The following ALK variants were observed in gnomAD, a reference collection of about 807,000 sequenced individuals.
ALK encodes the protein ALK receptor tyrosine kinase, also known as ALK tyrosine kinase receptor.
ALK carries 74 observed loss-of-function variants against 163.1 expected under a neutral mutation model. That is an observed-to-expected ratio of 0.45 (90% CI 0.38 to 0.55). The LOEUF is 0.55. Among genes scored for constraint, ALK ranks in the 20% least tolerant of loss-of-function variants. The pLI is 0.00. For missense variants in ALK, 2,063 were observed against 2,105.3 expected (o/e 0.98, Z 0.39); for synonymous variants, 960 against 843.2 (o/e 1.14, Z -2.40).
At chr2:29,775,382 A>G (rs994552237) in intron 1 of ALK, among the ~76,000 whole-genome samples, 15 of 152,290 alleles carry the variant, frequency 9.8e-5, no homozygotes, top group Admixed American at 8.5e-4. Flanking sequence ...TAACCAAAGG[A>G]ATTGGAGATT....
chr2:29,675,098 G>A (rs1677833825), intron 3 of ALK, among the ~76,000 whole-genome samples: 2 of 151,700 alleles, frequency 1.3e-5, no homozygotes, highest in Admixed American at 1.3e-4. Context: ...GTGCTTCCAG[G>A]ACATTTTCTA....
intron 26 of ALK, among the ~76,000 whole-genome samples, chr2:29,201,165 A>AAAATT (rs1669169497): frequency 6.6e-6 from 1 of 152,106 alleles, no homozygotes. Context: ...ATGGGAGCCA[A>AAAATT]AAATTAATAT....
In ALK at chr2:29,589,227, A is replaced by G. The variant is rs951602435; in HGVS notation, c.953-57111T>C. The stretch of plus-strand genomic sequence containing the variant: ...AGAGAAGATTTGATGCTGTTGCTAT[A>G]ATAATGCTATTCTCCCTCACTTGCA... On this transcript the variant is annotated intron_variant, in intron 3 of 28. Coordinates refer to ENST00000389048, the MANE Select transcript of ALK (RefSeq NM_004304.5). Among the ~76,000 whole-genome samples the G allele has an allele frequency of 2.0e-5, 3 of 152,180 alleles. 1 individual carries two copies. Among genetic ancestry groups the G allele is most frequent in the Admixed American group, 1.3e-4 (2 of 15,278 alleles).
At chr2:29,442,520 C>T (rs781544886) in intron 4 of ALK, among the ~76,000 whole-genome samples, 8 of 152,230 alleles carry the variant, frequency 5.3e-5, no homozygotes, top group Middle Eastern at 3.4e-3. Context: ...GCCACAATGA[C>T]CTGGCGATCT....
At chr2:29,337,010 G>A (rs1210133581) in intron 5 of ALK, among the ~76,000 whole-genome samples, 1 of 152,142 alleles carries the variant, frequency 6.6e-6, no homozygotes, top group Non-Finnish European at 1.5e-5. Context: ...CTAGGGGACT[G>A]GGCCATGATC....
intron 4 of ALK, among the ~76,000 whole-genome samples, chr2:29,517,200 T>C (rs866529369): frequency 1.3e-5 from 2 of 151,642 alleles, no homozygotes; most frequent in Non-Finnish European, 2.9e-5. Context: ...TACAGAGAGG[T>C]TTAGGGGCAG....
chr2:29,330,590 T>C (rs1411054142), intron 5 of ALK, among the ~76,000 whole-genome samples: 1 of 152,172 alleles, frequency 6.6e-6, no homozygotes, highest in African/African-American at 2.4e-5. Flanking sequence ...GACCCCCAAA[T>C]AGACACATCC....
rs566513585 is a variant in ALK at position 29,630,016 on chromosome 2, A to G, written c.952+64834T>C. On this transcript the variant is annotated intron_variant, in intron 3 of 28. Coordinates refer to ENST00000389048, the MANE Select transcript of ALK (RefSeq NM_004304.5). ...TGCCCATAAAAGCAGTTTAATAATA[A>G]ATAGGAAGATATTATGCTTTAAAGG... Among the ~76,000 whole-genome samples, 51 of 152,310 alleles carry G rather than the reference A, an allele frequency of 3.3e-4. 2 individuals are homozygous for G. The South Asian group carries it at 0.01, about 31-fold the overall frequency.
chr2:29,276,531 G>A (rs996379377), intron 9 of ALK, among the ~76,000 whole-genome samples: 1 of 152,148 alleles, frequency 6.6e-6, no homozygotes, highest in East Asian at 1.9e-4. Context: ...ATGACATGCA[G>A]AACAGGGCGT....
At chr2:29,533,632 A>G (rs1673176257) in intron 3 of ALK, among the ~76,000 whole-genome samples, 1 of 152,178 alleles carries the variant, frequency 6.6e-6, no homozygotes, top group African/African-American at 2.4e-5. Context: ...GACCAAATCC[A>G]TTTATTCGGT....
chr2:29,262,999 A>T (rs576942625), intron 11 of ALK, among the ~76,000 whole-genome samples: 4 of 152,224 alleles, frequency 2.6e-5, no homozygotes, highest in Non-Finnish European at 5.9e-5. Flanking sequence ...TAATTTGGTT[A>T]TTTCTAACTT....
intron 3 of ALK, among the ~76,000 whole-genome samples, chr2:29,650,141 C>A (rs1293822618): frequency 6.6e-6 from 1 of 152,072 alleles, no homozygotes. Context: ...CTGAAGCAAG[C>A]CTTCAAATGG....
At chr2:29,289,215 C>G (rs561095355) in intron 9 of ALK, among the ~76,000 whole-genome samples, 2 of 152,236 alleles carry the variant, frequency 1.3e-5, no homozygotes, top group African/African-American at 4.8e-5. Context: ...CCCCAAGAGG[C>G]ACAGGCCATG....
At chr2:29,582,505 C>T (rs1043387932) in intron 3 of ALK, among the ~76,000 whole-genome samples, 1 of 152,162 alleles carries the variant, frequency 6.6e-6, no homozygotes, top group African/African-American at 2.4e-5. Context: ...ATACCATGTC[C>T]TGGACATTCT....
chr2:29,283,382 T>C (rs933318691), intron 9 of ALK, among the ~76,000 whole-genome samples: 10 of 152,172 alleles, frequency 6.6e-5, no homozygotes, highest in Admixed American at 6.5e-4. Flanking sequence ...TCCATTCTTC[T>C]TGGAGGGACA....
At chr2:29,339,142 C>T (rs1486145813) in intron 5 of ALK, among the ~76,000 whole-genome samples, 2 of 151,994 alleles carry the variant, frequency 1.3e-5, no homozygotes, top group East Asian at 1.9e-4. Flanking sequence ...ACTTGTGAGG[C>T]TGAGGCAGGA....
chr2:29,582,887 G>A (rs796079485), intron 3 of ALK, among the ~76,000 whole-genome samples: 33 of 133,026 alleles, frequency 2.5e-4, no homozygotes, highest in African/African-American at 9.3e-4. Context: ...TATTGAGATA[G>A]AGTCTTGCTT....
chr2:29,838,730 GT>G (rs1665628565), intron 1 of ALK, among the ~76,000 whole-genome samples: 1 of 152,144 alleles, frequency 6.6e-6, no homozygotes, highest in African/African-American at 2.4e-5. Context: ...GAACCTGTGG[GT>G]GAAAAATGAA....
At chr2:29,858,696 T>C (rs1056647568) in intron 1 of ALK, among the ~76,000 whole-genome samples, 1 of 151,536 alleles carries the variant, frequency 6.6e-6, no homozygotes, top group Non-Finnish European at 1.5e-5. Flanking sequence ...TGAGCCAAGA[T>C]TGCCTCACTG....
Sources: gnomAD v4.1 joint callset for allele counts (sites outside exome capture counted in the v4.1 genomes callset) on GRCh38, gnomAD v4.1.1 for gene constraint, MANE v1.5 for transcripts, NCBI Gene and HGNC (gene_info 2026-07-23, HGNC 2026-07-21) for gene names.